The following TENM3 variants were observed in gnomAD, a reference collection of about 807,000 sequenced individuals.
TENM3 encodes teneurin-3.
TENM3 carries 63 observed loss-of-function variants against 255.1 expected under a neutral mutation model. That is an observed-to-expected ratio of 0.25 (90% CI 0.20 to 0.30). The LOEUF is 0.30. Among genes scored for constraint, TENM3 ranks in the 10% least tolerant of loss-of-function variants. The probability of loss-of-function intolerance (pLI) is 1.00; values close to 1 mark genes in which losing one functional copy is unlikely to be tolerated. For synonymous variants in TENM3, 1,306 were observed against 1,322.3 expected (o/e 0.99, Z 0.27); for missense variants, 2,929 against 3,461.1 (o/e 0.85, Z 3.86).
At chr4:182,230,828 A>ATATG (rs917374496) in intron 1 of TENM3, among the ~76,000 whole-genome samples, 2 of 104,118 alleles carry the variant, frequency 1.9e-5, no homozygotes, top group African/African-American at 6.6e-5. Context: ...ATATATATAT[A>ATATG]TATATATATA....
At chr4:181,612,494 G>A in the TENM3 span, among the ~76,000 whole-genome samples, 1 of 112,684 alleles carries the variant, frequency 8.9e-6, no homozygotes, top group African/African-American at 3.3e-5. Flanking sequence ...GTTAAGATGT[G>A]TGTGTGTGTG....
At chr4:182,702,066 C>T (rs532057735) in intron 12 of TENM3, among the ~76,000 whole-genome samples, 10 of 152,318 alleles carry the variant, frequency 6.6e-5, no homozygotes, top group East Asian at 1.9e-4. Context: ...TGAGTATCTA[C>T]ACTTTTTTAG....
At chr4:181,498,374 C>T in the TENM3 span, among the ~76,000 whole-genome samples, 1 of 151,986 alleles carries the variant, frequency 6.6e-6, no homozygotes, top group African/African-American at 2.4e-5. Context: ...CCCTCAGAAC[C>T]CTGGTTTGGC....
At chr4:181,691,129 T>G in the TENM3 span, among the ~76,000 whole-genome samples, 18 of 152,170 alleles carry the variant, frequency 1.2e-4, no homozygotes, top group Admixed American at 3.3e-4. Context: ...TTATTTTAGT[T>G]TAAATATACA....
At chr4:181,508,670 T>C in the TENM3 span, among the ~76,000 whole-genome samples, 1 of 152,280 alleles carries the variant, frequency 6.6e-6, no homozygotes, top group South Asian at 2.1e-4. Flanking sequence ...CTGCTAATTG[T>C]CACATGGCAG....
At chr4:182,308,119 C>G (rs141275941) in intron 1 of TENM3, among the ~76,000 whole-genome samples, 3 of 152,304 alleles carry the variant, frequency 2.0e-5, no homozygotes, top group African/African-American at 7.2e-5. Flanking sequence ...GCCACTTACT[C>G]AAGAGCCTTT....
chr4:181,850,350 C>T, the TENM3 span, among the ~76,000 whole-genome samples: 1 of 151,794 alleles, frequency 6.6e-6, no homozygotes, highest in East Asian at 1.9e-4. Context: ...ATCTTATATG[C>T]TGTTAATATA....
the TENM3 span, among the ~76,000 whole-genome samples, chr4:181,605,584 GGAA>G: frequency 1.4e-4 from 10 of 69,152 alleles, no homozygotes; most frequent in African/African-American, 2.3e-4. Context: ...GAGAAAGAAA[GGAA>G]AGAAAGAAAG....
In TENM3 at chr4:182,762,563, G is replaced by A. The variant is rs145504259; in HGVS notation, c.4892+7304G>A. On this transcript the variant is annotated intron_variant, in intron 22 of 27. Transcript: ENST00000511685. ...TTTCTGGAGACTTTGCAGCATCTGTGGCTCATTCCTCTGACAATAAAATAA... is the reference window on the plus strand; with the variant it reads ...TTTCTGGAGACTTTGCAGCATCTGTAGCTCATTCCTCTGACAATAAAATAA... Among the ~76,000 whole-genome samples the A allele has an allele frequency of 2.1e-3, 314 of 152,274 alleles. 3 individuals carry two copies. Among genetic ancestry groups the A allele is most frequent in the African/African-American group, 7.1e-3 (297 of 41,556 alleles).
chr4:182,171,883 A>G (rs1752133255), intron 1 of TENM3, among the ~76,000 whole-genome samples: 1 of 152,040 alleles, frequency 6.6e-6, no homozygotes, highest in Non-Finnish European at 1.5e-5. Flanking sequence ...TACTACGAAT[A>G]TATAGAAAAT....
At chr4:182,088,284 A>G in the TENM3 span, among the ~76,000 whole-genome samples, 1 of 152,196 alleles carries the variant, frequency 6.6e-6, no homozygotes, top group African/African-American at 2.4e-5. Context: ...ATTTGGGTTA[A>G]AACTATACCA....
chr4:182,306,997 A>G (rs1298787307), intron 1 of TENM3, among the ~76,000 whole-genome samples: 1 of 152,232 alleles, frequency 6.6e-6, no homozygotes, highest in Non-Finnish European at 1.5e-5. Context: ...CAATTAAAAT[A>G]TATTCCACAT....
At chr4:181,832,661 T>G in the TENM3 span, among the ~76,000 whole-genome samples, 1 of 152,344 alleles carries the variant, frequency 6.6e-6, no homozygotes, top group East Asian at 1.9e-4. Context: ...AAAGGAAAGA[T>G]AAACTTTCCA....
chr4:182,006,520 G>T, the TENM3 span, among the ~76,000 whole-genome samples: 1 of 152,066 alleles, frequency 6.6e-6, no homozygotes, highest in Non-Finnish European at 1.5e-5. Context: ...GCCTAGAGGT[G>T]TTTTTAGTAT....
At chr4:182,134,309 G>T in the TENM3 span, among the ~76,000 whole-genome samples, 1 of 152,166 alleles carries the variant, frequency 6.6e-6, no homozygotes, top group Non-Finnish European at 1.5e-5. Context: ...AGAGACTGAA[G>T]ATAAATGCAG....
chr4:181,546,339 A>T, the TENM3 span, among the ~76,000 whole-genome samples: 1 of 152,208 alleles, frequency 6.6e-6, no homozygotes, highest in African/African-American at 2.4e-5. Flanking sequence ...ACCATCATTA[A>T]AAATTAGCAT....
At chr4:181,625,057 C>T in the TENM3 span, among the ~76,000 whole-genome samples, 4 of 152,188 alleles carry the variant, frequency 2.6e-5, no homozygotes, top group Non-Finnish European at 2.9e-5. Context: ...ACTTTCCCTG[C>T]GTTTTGTTCA....
At chr4:181,565,620 G>A in the TENM3 span, among the ~76,000 whole-genome samples, 2 of 152,162 alleles carry the variant, frequency 1.3e-5, no homozygotes, top group Non-Finnish European at 2.9e-5. Flanking sequence ...CCTGTAGAGA[G>A]AAACAGCTGA....
chr4:182,578,218 G>A (rs779083191), intron 3 of TENM3, among the ~76,000 whole-genome samples: 22 of 151,950 alleles, frequency 1.4e-4, no homozygotes, highest in Non-Finnish European at 2.4e-4. Context: ...CTCGTGATCC[G>A]CGCACTTAGG....
Sources: gnomAD v4.1 joint callset for allele counts (sites outside exome capture counted in the v4.1 genomes callset) on GRCh38, gnomAD v4.1.1 for gene constraint, MANE v1.5 for transcripts, NCBI Gene and HGNC (gene_info 2026-07-23, HGNC 2026-07-21) for gene names.